Variants in ADGRB3 observed in about 807,000 individuals in gnomAD.
ADGRB3 encodes the protein brain-specific angiogenesis inhibitor 3.
ADGRB3 carries 37 observed loss-of-function variants against 193.4 expected under a neutral mutation model. That is an observed-to-expected ratio of 0.19 (90% confidence interval 0.15 to 0.25). The LOEUF is 0.25. Among genes scored for constraint, ADGRB3 ranks in the 10% least tolerant of loss-of-function variants. The pLI is 1.00. For missense variants in ADGRB3, 1,637 were observed against 1,852.9 expected (o/e 0.88, Z 2.14); for synonymous variants, 690 against 644.2 (o/e 1.07, Z -1.08).
chr6:68,861,812 C>A (rs769650337), intron 3 of ADGRB3, among the ~76,000 whole-genome samples: 1 of 152,054 alleles, frequency 6.6e-6, no homozygotes, highest in Non-Finnish European at 1.5e-5. Context: ...TCTGTCTGTG[C>A]AACCATAGCA....
At chr6:69,249,263 A>G (rs1251787488) in intron 20 of ADGRB3, among the ~76,000 whole-genome samples, 1 of 152,200 alleles carries the variant, frequency 6.6e-6, no homozygotes, top group African/African-American at 2.4e-5. Context: ...GGCATGAGCC[A>G]CGGCGCCCAG....
intron 3 of ADGRB3, among the ~76,000 whole-genome samples, chr6:68,779,224 T>C (rs1766807207): frequency 8.2e-6 from 1 of 122,150 alleles, no homozygotes; most frequent in Non-Finnish European, 1.7e-5. Context: ...TATATATGTA[T>C]ATATTATGTG....
chr6:69,256,088 C>T (rs1313350099), intron 20 of ADGRB3, among the ~76,000 whole-genome samples: 2 of 151,550 alleles, frequency 1.3e-5, no homozygotes, highest in African/African-American at 2.4e-5. Flanking sequence ...CAGTACCATG[C>T]TGTTTTGGTT....
chr6:69,344,806 A>C (rs1249471911), intron 26 of ADGRB3, among the ~76,000 whole-genome samples: 2 of 152,128 alleles, frequency 1.3e-5, no homozygotes, highest in African/African-American at 4.8e-5. Flanking sequence ...ATGGGTTCCT[A>C]AGGGAACAAT....
Position 69,326,897 on chromosome 6 carries a change from A to T in ADGRB3, c.2966-923A>T, listed in dbSNP as rs147302342. On this transcript the variant is annotated intron_variant, in intron 21 of 31. Transcript: ENST00000370598. ...TTTATAATTTTATATACATATATGTATAGTCACCAGTGTTTGTTTAACACT... is the reference window on the plus strand; with the variant it reads ...TTTATAATTTTATATACATATATGTTTAGTCACCAGTGTTTGTTTAACACT... 4.5e-4 allele frequency among the ~76,000 whole-genome samples: 68 copies of T among 152,258 alleles called. No individual in the cohort carries two copies. The East Asian group carries it at 0.011, about 25-fold the overall frequency.
chr6:68,965,705 A>G (rs1345815185), intron 8 of ADGRB3, among the ~76,000 whole-genome samples: 2 of 152,140 alleles, frequency 1.3e-5, no homozygotes, highest in Admixed American at 1.3e-4. Context: ...TATCTTACAA[A>G]TGGATTTTTA....
At chr6:69,363,125 T>A (rs1232939705) in intron 29 of ADGRB3, among the ~76,000 whole-genome samples, 5 of 152,128 alleles carry the variant, frequency 3.3e-5, no homozygotes, top group Non-Finnish European at 7.4e-5. Flanking sequence ...TAGACTGTAT[T>A]TCCAAGAACT....
chr6:69,026,223 A>G (rs994233022), intron 13 of ADGRB3, among the ~76,000 whole-genome samples: 1 of 152,202 alleles, frequency 6.6e-6, no homozygotes, highest in Non-Finnish European at 1.5e-5. Flanking sequence ...AGAGGAATGA[A>G]GCAGTCGACA....
intron 6 of ADGRB3, among the ~76,000 whole-genome samples, chr6:68,948,034 T>G (rs1233337649): frequency 6.6e-6 from 1 of 152,172 alleles, no homozygotes; most frequent in Non-Finnish European, 1.5e-5. Flanking sequence ...GAGCGGCCTT[T>G]GTTCTGAACC....
chr6:69,348,536 G>A (rs977859260), intron 26 of ADGRB3, among the ~76,000 whole-genome samples: 5 of 150,914 alleles, frequency 3.3e-5, no homozygotes, highest in African/African-American at 4.9e-5. Context: ...GGTGGCAGGC[G>A]CCTGTAGTCC....
chr6:69,162,248 T>G (rs1319295850), intron 17 of ADGRB3, among the ~76,000 whole-genome samples: 1 of 152,162 alleles, frequency 6.6e-6, no homozygotes, highest in African/African-American at 2.4e-5. Flanking sequence ...GATAATTAAA[T>G]TATTTTATGT....
intron 10 of ADGRB3, among the ~76,000 whole-genome samples, chr6:68,991,055 T>C (rs908380397): frequency 6.6e-6 from 1 of 152,002 alleles, no homozygotes; most frequent in Non-Finnish European, 1.5e-5. Flanking sequence ...AAAGGACAAG[T>C]GCAGCTAGAG....
chr6:69,112,363 C>T (rs1278416919), intron 17 of ADGRB3, among the ~76,000 whole-genome samples: 4 of 152,152 alleles, frequency 2.6e-5, no homozygotes, highest in Admixed American at 6.5e-5. Context: ...ATCCTGTTTT[C>T]GTTCACATCC....
At chr6:68,817,303 CCATGTATATATATATATATATA>C (rs1314152809) in intron 3 of ADGRB3, among the ~76,000 whole-genome samples, 1 of 32,726 alleles carries the variant, frequency 3.1e-5, no homozygotes, top group African/African-American at 7.4e-5. Context: ...TCCCTTTTGT[CCATGTATATATATATATATATA>C]TATATATATA....
intron 20 of ADGRB3, among the ~76,000 whole-genome samples, chr6:69,246,750 G>A (rs975925465): frequency 2.0e-5 from 3 of 152,186 alleles, no homozygotes; most frequent in Non-Finnish European, 4.4e-5. Flanking sequence ...GATGTCAAGA[G>A]CCAAATGACC....
Position 68,770,956 on chromosome 6 carries a change from CTCTT to C in ADGRB3, c.757+131525_757+131528del, listed in dbSNP as rs547472700. 3.0e-3 allele frequency among the ~76,000 whole-genome samples: 453 copies of C among 152,116 alleles called. 4 individuals are homozygous for C. Among genetic ancestry groups the C allele is most frequent in the African/African-American group, 0.011 (441 of 41,514 alleles). ...CTAAAAGTTAGTATCTCTGAGCTGCCTCTTAGCATTATTATCAATTTGGAAAAGT... is the reference window on the plus strand; with the variant it reads ...CTAAAAGTTAGTATCTCTGAGCTGCCAGCATTATTATCAATTTGGAAAAGT... On this transcript the variant is annotated intron_variant, in intron 3 of 31. Coordinates refer to ENST00000370598, the MANE Select transcript of ADGRB3 (RefSeq NM_001704.3).
At chr6:69,018,834 G>A (rs1467772127) in intron 13 of ADGRB3, among the ~76,000 whole-genome samples, 1 of 151,840 alleles carries the variant, frequency 6.6e-6, no homozygotes, top group Non-Finnish European at 1.5e-5. Flanking sequence ...GAATGTGTGT[G>A]TGTGTATACA....
intron 20 of ADGRB3, among the ~76,000 whole-genome samples, chr6:69,278,019 C>T (rs1260575583): frequency 2.0e-5 from 3 of 152,180 alleles, no homozygotes; most frequent in Admixed American, 2.0e-4. Flanking sequence ...GAAACACTTG[C>T]ACTTGTTTAT....
intron 12 of ADGRB3, among the ~76,000 whole-genome samples, chr6:69,016,049 G>A (rs1172086468): frequency 2.0e-5 from 3 of 151,864 alleles, no homozygotes; most frequent in Non-Finnish European, 4.4e-5. Flanking sequence ...GGCTTATTTT[G>A]TTAATCATAT....
Sources: gnomAD v4.1 joint callset for allele counts (sites outside exome capture counted in the v4.1 genomes callset) on GRCh38, gnomAD v4.1.1 for gene constraint, MANE v1.5 for transcripts, NCBI Gene and HGNC (gene_info 2026-07-23, HGNC 2026-07-21) for gene names.